ANAPC4: variants seen among roughly 807,000 people sequenced by gnomAD.
The protein encoded by ANAPC4 is anaphase promoting complex subunit 4, also known as anaphase-promoting complex subunit 4.
ANAPC4 carries 63 observed loss-of-function variants against 119.8 expected under a neutral mutation model. The ratio of observed to expected loss-of-function variants is 0.53; its 90% confidence interval spans 0.43 to 0.65. ANAPC4 has a LOEUF of 0.65. ANAPC4 is among the 30% of genes least tolerant of loss of function. ANAPC4 has a pLI of 0.00. For synonymous variants in ANAPC4, 283 were observed against 318.6 expected (o/e 0.89, Z 1.19); for missense variants, 716 against 945.1 (o/e 0.76, Z 3.18).
chr4:25,401,470 T>C (rs1722969695), intron 16 of ANAPC4, among the ~76,000 whole-genome samples: 1 of 152,210 alleles, frequency 6.6e-6, no homozygotes, highest in Non-Finnish European at 1.5e-5. Context: ...AAAGAACGTA[T>C]TGACCACTCT....
chr4:25,416,476 A>G lies in ANAPC4; in HGVS notation c.1953A>G (p.Val651=). The G allele has an allele frequency of 6.3e-7, 1 of 1,597,966 alleles. No homozygotes were observed. The highest frequency in any genetic ancestry group is 8.6e-7 in the Non-Finnish European group (1 of 1,169,012). Residue 651 remains valine, a synonymous_variant, in exon 27 of 29, where the codon GTA becomes GTG. Coordinates refer to ENST00000315368, the MANE Select transcript of ANAPC4 (RefSeq NM_013367.3). ...TTTATGATGATGAAACTGTAACAGT[A>G]GTTCTTAAAGACACTGTAGGACGTG... is the stretch of plus-strand genomic sequence containing the variant. ...AQFYDDETVT[V]VLKDTVGREG...
chr4:25,393,432 C>T (rs189053574), intron 10 of ANAPC4, among the ~76,000 whole-genome samples: 2 of 152,234 alleles, frequency 1.3e-5, no homozygotes, highest in Admixed American at 1.3e-4. Context: ...GAGGCTGAGG[C>T]AGGTGGATCA....
Position 25,383,259 on chromosome 4 carries a change from A to G in ANAPC4, c.236-2A>G. On this transcript the variant is annotated splice_acceptor_variant, in intron 3 of 28. Transcript: ENST00000315368. LOFTEE classifies it high-confidence loss of function. ...TATTCTGATTGTTTTTTCTTGTTTT[A>G]GTTTTGGCCTTTGCTCTTGCTGATA... 1.3e-6 allele frequency: 2 copies of G among 1,583,084 alleles called. No homozygotes were observed. Among genetic ancestry groups the G allele is most frequent in the Non-Finnish European group, 1.7e-6 (2 of 1,167,740 alleles).
chr4:25,407,714 T>A (rs1723330995), intron 20 of ANAPC4, among the ~76,000 whole-genome samples: 1 of 152,076 alleles, frequency 6.6e-6, no homozygotes, highest in East Asian at 1.9e-4. Context: ...TAATAAAAAA[T>A]TATTCCCTAA....
chr4:25,413,539 C>T (rs955149434), intron 21 of ANAPC4, 106 bp from the exon 22 acceptor site: 1 of 758,962 alleles, frequency 1.3e-6, no homozygotes, highest in African/African-American at 1.8e-5. Context: ...AAAATTCTAC[C>T]TCGAGATAAA....
At chr4:25,382,509 G>C (rs868722244) in intron 3 of ANAPC4, among the ~76,000 whole-genome samples, 1 of 152,198 alleles carries the variant, frequency 6.6e-6, no homozygotes, top group Admixed American at 6.5e-5. Context: ...AATCACAAAA[G>C]TGTGCGTTAA....
intron 4 of ANAPC4, among the ~76,000 whole-genome samples, chr4:25,385,952 C>T (rs1383181219): frequency 6.6e-6 from 1 of 152,012 alleles, no homozygotes; most frequent in African/African-American, 2.4e-5. Flanking sequence ...ATTTTTGAGA[C>T]GGAGTTTCGC....
chr4:25,393,325 G>A (rs1560435452), intron 10 of ANAPC4, among the ~76,000 whole-genome samples: 1 of 152,160 alleles, frequency 6.6e-6, no homozygotes, highest in Non-Finnish European at 1.5e-5. Flanking sequence ...GTAGTTAAGT[G>A]ATGACCAAGC....
In ANAPC4 at chr4:25,377,307, CTG is replaced by C; in HGVS notation, c.-47_-46del. On this transcript the variant is annotated 5_prime_UTR_variant, in exon 1 of 29. Transcript: ENST00000315368. ...GCCGGCAGAGGGAGGGGAGAGGCCA[CTG>C]GGGCCGTGTTAGTCTGCCGGTGGGG... 3.6e-6 allele frequency: 5 copies of C among 1,384,688 alleles called. No homozygotes were observed. The highest frequency in any genetic ancestry group is 4.8e-6 in the Non-Finnish European group (5 of 1,034,110). 85.8% of individuals were successfully genotyped at this position (1,384,688 alleles called of 1,614,324 possible).
chr4:25,416,312 A>T (rs1336387766), intron 26 of ANAPC4, 113 bp from the exon 27 acceptor site: 1 of 550,216 alleles, frequency 1.8e-6, no homozygotes, highest in East Asian at 3.0e-5. Context: ...TATTGTACAG[A>T]ATGTCACTTA....
intron 21 of ANAPC4, 158 bp from the exon 22 acceptor site, chr4:25,413,487 T>TG: frequency 1.9e-6 from 1 of 538,166 alleles, no homozygotes; most frequent in Non-Finnish European, 3.2e-6. Flanking sequence ...ACCATGGTCG[T>TG]TTTTAATGAG....
chr4:25,398,306 C>G (rs1319733613), intron 16 of ANAPC4, among the ~76,000 whole-genome samples: 3 of 152,014 alleles, frequency 2.0e-5, no homozygotes, highest in Non-Finnish European at 4.4e-5. Flanking sequence ...GAAACAAGGA[C>G]CTAGGGCATG....
chr4:25,401,283 CTG>C (rs1341775146), intron 16 of ANAPC4, among the ~76,000 whole-genome samples: 1 of 151,686 alleles, frequency 6.6e-6, no homozygotes, highest in Non-Finnish European at 1.5e-5. Context: ...TGCTTGGAAT[CTG>C]TGTAGGTTGG....
chr4:25,409,629 A>G (rs920402383), intron 20 of ANAPC4, 69 bp from the exon 21 acceptor site: 2 of 1,224,704 alleles, frequency 1.6e-6, no homozygotes, highest in African/African-American at 3.1e-5. Context: ...TTTGTCTTTT[A>G]CTTTTTTTCT....
chr4:25,412,133 T>C lies in ANAPC4; in HGVS notation c.1526-1512T>C, dbSNP rs140329281. ...AACTCCGGGAAACATATAATTTTTG[T>C]TTACCAGTGTGTTGTAAAGAATATG... On this transcript the variant is annotated intron_variant, in intron 21 of 28. Coordinates refer to ENST00000315368, the MANE Select transcript of ANAPC4 (RefSeq NM_013367.3). 5.1e-4 allele frequency among the ~76,000 whole-genome samples: 77 copies of C among 152,246 alleles called. 1 individual carries two copies. The East Asian group carries it at 0.015, about 29-fold the overall frequency.
chr4:25,380,162 G>A (rs1405099089), intron 2 of ANAPC4, among the ~76,000 whole-genome samples: 31 of 152,198 alleles, frequency 2.0e-4, no homozygotes, highest in Admixed American at 2.0e-3. Context: ...TGACATAAAA[G>A]ATTAGGTACA....
intron 16 of ANAPC4, among the ~76,000 whole-genome samples, chr4:25,402,309 A>C (rs76003590): frequency 0.029 from 4,458 of 152,308 alleles, 139 homozygotes; most frequent in East Asian, 0.15. Context: ...TTTGCCTAGA[A>C]TAATTATCGT....
intron 4 of ANAPC4, among the ~76,000 whole-genome samples, chr4:25,387,752 A>T (rs1267567455): frequency 6.6e-6 from 1 of 152,184 alleles, no homozygotes; most frequent in Non-Finnish European, 1.5e-5. Flanking sequence ...AAGGGGGTAA[A>T]TAAGACTATT....
intron 26 of ANAPC4, 38 bp from the exon 27 acceptor site, chr4:25,416,387 G>T: frequency 7.4e-7 from 1 of 1,356,334 alleles, no homozygotes; most frequent in South Asian, 2.0e-5. Flanking sequence ...CAGTAGTCAC[G>T]ATCATCTTTG....
Sources: allele counts gnomAD v4.1 joint callset (sites outside exome capture counted in the v4.1 genomes callset), GRCh38; gene constraint gnomAD v4.1.1; transcripts MANE v1.5; gene names NCBI Gene and HGNC (gene_info 2026-07-23, HGNC 2026-07-21).